LRRC8D: variants seen among roughly 807,000 people sequenced by gnomAD.
The protein encoded by LRRC8D is volume-regulated anion channel subunit LRRC8D.
LRRC8D carries 20 observed loss-of-function variants against 55.8 expected under a neutral mutation model. The ratio of observed to expected loss-of-function variants is 0.36; its 90% confidence interval spans 0.25 to 0.52. The LOEUF is 0.52. Ranked by LOEUF, LRRC8D falls within the 20% of genes least tolerant of loss-of-function variation. The pLI is 0.93. For synonymous variants in LRRC8D, 352 were observed against 377.0 expected, an observed-to-expected ratio of 0.93 and a Z score of 0.77; for missense variants, 651 against 1,030.8, an observed-to-expected ratio of 0.63 and a Z score of 5.05.
intron 1 of LRRC8D, among the ~76,000 whole-genome samples, chr1:89,834,595 A>G (rs904301684): frequency 6.6e-6 from 1 of 152,262 alleles, no homozygotes; most frequent in Non-Finnish European, 1.5e-5. Flanking sequence ...TAAGACCTGC[A>G]TGTAAACAGT....
intron 1 of LRRC8D, among the ~76,000 whole-genome samples, chr1:89,822,843 C>T (rs1049929273): frequency 2.0e-5 from 3 of 152,078 alleles, no homozygotes; most frequent in African/African-American, 7.2e-5. Context: ...GTCAGCTAGG[C>T]GAGAGTTGGG....
At chr1:89,898,330 C>T (rs1302623017) in intron 2 of LRRC8D, among the ~76,000 whole-genome samples, 1 of 152,198 alleles carries the variant, frequency 6.6e-6, no homozygotes, top group South Asian at 2.1e-4. Flanking sequence ...TAGCCTTGTA[C>T]TCCACCTCTA....
chr1:89,822,371 G>A (rs1660656380), intron 1 of LRRC8D, among the ~76,000 whole-genome samples: 1 of 152,162 alleles, frequency 6.6e-6, no homozygotes, highest in Non-Finnish European at 1.5e-5. Context: ...GCGGAATGTG[G>A]GGCCCAGCTG....
chr1:89,905,240 G>A (rs1394646563), intron 2 of LRRC8D, among the ~76,000 whole-genome samples: 1 of 152,166 alleles, frequency 6.6e-6, no homozygotes, highest in Non-Finnish European at 1.5e-5. Context: ...CATGTGCTAA[G>A]ACATCAATAA....
chr1:89,918,473 G>A (rs1255118293), intron 2 of LRRC8D, among the ~76,000 whole-genome samples: 1 of 152,224 alleles, frequency 6.6e-6, no homozygotes, highest in African/African-American at 2.4e-5. Context: ...CAAGGAAAAG[G>A]AGGCCTGAGG....
intron 1 of LRRC8D, among the ~76,000 whole-genome samples, chr1:89,831,881 A>AT (rs967889351): frequency 5.3e-5 from 8 of 152,124 alleles, no homozygotes; most frequent in East Asian, 1.9e-4. Context: ...ACAAAGCATC[A>AT]TTTTTTTCCC....
intron 2 of LRRC8D, among the ~76,000 whole-genome samples, chr1:89,848,642 A>G (rs1661337191): frequency 6.6e-6 from 1 of 152,106 alleles, no homozygotes. Context: ...GACACTGATT[A>G]TCTCTAATCC....
intron 2 of LRRC8D, among the ~76,000 whole-genome samples, chr1:89,898,149 C>T (rs970290861): frequency 6.6e-6 from 1 of 152,106 alleles, no homozygotes; most frequent in Admixed American, 6.5e-5. Context: ...ACATTGAATA[C>T]GAGCCAGTAA....
At chr1:89,884,276 G>A (rs1258089669) in intron 2 of LRRC8D, among the ~76,000 whole-genome samples, 1 of 152,190 alleles carries the variant, frequency 6.6e-6, no homozygotes, top group Non-Finnish European at 1.5e-5. Context: ...GTGGGCTGTA[G>A]ATGAGGTAGA....
intron 2 of LRRC8D, among the ~76,000 whole-genome samples, chr1:89,889,448 G>T (rs745472137): frequency 6.6e-6 from 1 of 151,980 alleles, no homozygotes; most frequent in Non-Finnish European, 1.5e-5. Context: ...GGGCTTTAGT[G>T]GATAATATAT....
At chr1:89,832,721 G>T (rs896973938) in intron 1 of LRRC8D, among the ~76,000 whole-genome samples, 11 of 152,214 alleles carry the variant, frequency 7.2e-5, no homozygotes, top group Non-Finnish European at 1.6e-4. Context: ...ATCAGGAAGT[G>T]AAACTTGTAA....
intron 2 of LRRC8D, among the ~76,000 whole-genome samples, chr1:89,923,446 C>T (rs917842640): frequency 1.3e-5 from 2 of 152,170 alleles, no homozygotes; most frequent in Admixed American, 6.5e-5. Context: ...GTGCTGATCC[C>T]TTCTCTCATT....
chr1:89,921,706 G>A (rs1228319078), intron 2 of LRRC8D, among the ~76,000 whole-genome samples: 2 of 151,948 alleles, frequency 1.3e-5, no homozygotes, highest in Admixed American at 6.6e-5. Flanking sequence ...CACCAAGCCC[G>A]GCTAATTTTT....
intron 2 of LRRC8D, among the ~76,000 whole-genome samples, chr1:89,884,818 G>A (rs1033940412): frequency 1.3e-5 from 2 of 152,214 alleles, no homozygotes; most frequent in African/African-American, 4.8e-5. Context: ...ATGGTGTACT[G>A]TTGGATCTTG....
Position 89,933,464 on chromosome 1 carries a change from A to G in LRRC8D, c.396A>G (p.Lys132=). The change falls in exon 3 of 3, where the codon AAA becomes AAG. Residue 132 remains lysine, a synonymous_variant. Transcript: ENST00000337338. The surrounding 1 kb of genome is among the most constrained non-coding windows in gnomAD (Gnocchi z 7.0). ...LPNQEAKKEK[K]DPTGRKTNLD... is the part of the protein sequence containing the mutation. ...ATCAGGAGGCAAAGAAAGAGAAGAA[A>G]GATCCAACAGGTCGAAAAACAAACT... The G allele has an allele frequency of 6.2e-7, 1 of 1,614,196 alleles. No homozygotes were observed. Among genetic ancestry groups the G allele is most frequent in the Non-Finnish European group, 8.5e-7 (1 of 1,180,038 alleles).
chr1:89,892,739 C>G (rs1197528438), intron 2 of LRRC8D, among the ~76,000 whole-genome samples: 3 of 152,142 alleles, frequency 2.0e-5, no homozygotes, highest in Non-Finnish European at 4.4e-5. Context: ...CCAGGATGGT[C>G]TCGATCTTCT....
intron 1 of LRRC8D, among the ~76,000 whole-genome samples, chr1:89,827,939 G>T (rs1054637860): frequency 2.0e-5 from 3 of 152,110 alleles, no homozygotes; most frequent in African/African-American, 7.2e-5. Context: ...ATCAGTCTGG[G>T]GAATATTTTT....
chr1:89,822,449 A>G (rs539159572), intron 1 of LRRC8D, among the ~76,000 whole-genome samples: 11 of 152,270 alleles, frequency 7.2e-5, no homozygotes, highest in Admixed American at 4.6e-4. Flanking sequence ...CTTCAAAAAT[A>G]TTTTTTTGTT....
At chr1:89,930,145 C>T (rs185601863) in intron 2 of LRRC8D, among the ~76,000 whole-genome samples, 15 of 152,192 alleles carry the variant, frequency 9.9e-5, no homozygotes, top group Admixed American at 3.9e-4. Context: ...GGTTGAGGAC[C>T]GCTGCCCTAC....
Sources: allele counts gnomAD v4.1 joint callset (sites outside exome capture counted in the v4.1 genomes callset), GRCh38; gene constraint gnomAD v4.1.1; non-coding constraint Gnocchi (gnomAD v3.1); transcripts MANE v1.5; gene names NCBI Gene and HGNC (gene_info 2026-07-23, HGNC 2026-07-21).